The following MTMR8 variants were observed in gnomAD, a reference collection of about 807,000 sequenced individuals.
The protein encoded by MTMR8 is phosphatidylinositol-3,5-bisphosphate 3-phosphatase MTMR8.
MTMR8 carries 65 observed loss-of-function variants against 39.3 expected under a neutral mutation model. The observed-to-expected ratio is 1.65, with a 90% CI of 1.35 to 2.03. The LOEUF (loss-of-function observed/expected upper bound fraction) is 2.03, where lower values mean the gene tolerates loss of function less well. Ranked by LOEUF, MTMR8 falls within the 30% of genes most tolerant of loss-of-function variation. The pLI, the probability that MTMR8 is intolerant of heterozygous loss-of-function variation, is 0.00. For missense variants in MTMR8, 777 were observed against 538.9 expected, an observed-to-expected ratio of 1.44 and a Z score of -4.37; for synonymous variants, 245 against 185.2, an observed-to-expected ratio of 1.32 and a Z score of -2.62.
intron 1 of MTMR8, among the ~76,000 whole-genome samples, chrX:64,365,639 C>G (rs1242119322): frequency 9.0e-6 from 1 of 111,701 alleles, no homozygotes; most frequent in Non-Finnish European, 1.9e-5. Context: ...ACAACCATTA[C>G]CAGCCACTGC....
intron 1 of MTMR8, among the ~76,000 whole-genome samples, chrX:64,378,866 G>A (rs1383521030): frequency 8.9e-6 from 1 of 111,827 alleles, no homozygotes; most frequent in Non-Finnish European, 1.9e-5. Flanking sequence ...TCTTTGAAAA[G>A]ATCAAGAAAT....
intron 12 of MTMR8, among the ~76,000 whole-genome samples, chrX:64,312,479 G>A (rs184126350): frequency 8.9e-6 from 1 of 112,130 alleles, no homozygotes; most frequent in African/African-American, 3.2e-5. Context: ...TCTGGCCAGG[G>A]CAATCAGGCA....
intron 1 of MTMR8, among the ~76,000 whole-genome samples, chrX:64,394,242 G>A (rs986975405): frequency 4.5e-5 from 5 of 111,723 alleles, no homozygotes; most frequent in East Asian, 2.8e-4. Flanking sequence ...GTCTCCCACC[G>A]GGTCCCTCCC....
At chrX:64,358,011 C>T (rs1923671418) in intron 2 of MTMR8, among the ~76,000 whole-genome samples, 2 of 111,465 alleles carry the variant, frequency 1.8e-5, no homozygotes, top group South Asian at 7.5e-4. Context: ...TAAGTGCTCC[C>T]TTCCAGATAC....
chrX:64,389,453 T>C (rs1159484752), intron 1 of MTMR8, among the ~76,000 whole-genome samples: 2 of 112,338 alleles, frequency 1.8e-5, no homozygotes, highest in African/African-American at 6.5e-5. Context: ...CCCAGTGGTT[T>C]CTAGGAGTAA....
chrX:64,285,084 C>T (rs879055879), intron 12 of MTMR8, among the ~76,000 whole-genome samples: 17 of 111,380 alleles, frequency 1.5e-4, no homozygotes, highest in Middle Eastern at 4.6e-3. Flanking sequence ...ACCCATCTCA[C>T]GTGCAGAGAC....
intron 12 of MTMR8, among the ~76,000 whole-genome samples, chrX:64,290,927 A>G (rs1010991591): frequency 1.8e-5 from 2 of 111,960 alleles, no homozygotes; most frequent in African/African-American, 6.5e-5. Context: ...ATTCATGTAG[A>G]GGTTTTCATA....
At chrX:64,270,186 G>A (rs1013189165) in intron 13 of MTMR8, among the ~76,000 whole-genome samples, 1 of 111,524 alleles carries the variant, frequency 9.0e-6, no homozygotes, top group Non-Finnish European at 1.9e-5. Context: ...CCAAGTAACT[G>A]GCTGTTGCCT....
chrX:64,377,628 T>C (rs1285335287), intron 1 of MTMR8, among the ~76,000 whole-genome samples: 1 of 112,608 alleles, frequency 8.9e-6, no homozygotes, highest in Non-Finnish European at 1.9e-5. Flanking sequence ...CTAACTTGTT[T>C]TTTATTTTAC....
At chrX:64,380,952 C>T (rs757261041) in intron 1 of MTMR8, among the ~76,000 whole-genome samples, 2 of 112,232 alleles carry the variant, frequency 1.8e-5, no homozygotes, top group South Asian at 7.4e-4. Context: ...GCGTAGTATT[C>T]CATGGTGTAT....
chrX:64,354,790 T>C lies in MTMR8; in HGVS notation c.455A>G (p.Asn152Ser). 1 of 1,185,285 alleles carries C rather than the reference T, an allele frequency of 8.4e-7. No individual in the cohort carries two copies. Among genetic ancestry groups the C allele is most frequent in the Non-Finnish European group, 1.1e-6 (1 of 884,023 alleles). ...PNRNWTITDANRNYEICSTYP... is the reference protein window; with the variant it reads ...PNRNWTITDASRNYEICSTYP... ...GGACAAAATTACCTCATAGTTTCTG[T>C]TGGCATCTGTTATGGTCCAGTTTCT... Residue 152 changes from asparagine to serine, a missense_variant, in exon 4 of 14, where the codon AAC becomes AGC. Transcript: ENST00000374852.
chrX:64,302,409 T>G (rs1921922698), intron 12 of MTMR8, among the ~76,000 whole-genome samples: 1 of 112,345 alleles, frequency 8.9e-6, no homozygotes. Flanking sequence ...AGGCAATGCC[T>G]CGCCCTGCTT....
chrX:64,375,954 C>T (rs758121908), intron 1 of MTMR8, among the ~76,000 whole-genome samples: 12 of 111,223 alleles, frequency 1.1e-4, no homozygotes, highest in Non-Finnish European at 1.9e-4. Context: ...AGTTCTCACA[C>T]GATCTGGTTG....
chrX:64,343,828 G>T, intron 7 of MTMR8, 108 bp from the exon 8 acceptor site: 1 of 535,749 alleles, frequency 1.9e-6, no homozygotes, highest in Non-Finnish European at 3.1e-6. Context: ...GAGGCAGAAA[G>T]GTTAAATGAT....
chrX:64,326,373 A>G lies in MTMR8; in HGVS notation c.1481+2399T>C, dbSNP rs182157691. Among the ~76,000 whole-genome samples the G allele has an allele frequency of 5.3e-4, 60 of 112,169 alleles. No individual in the cohort carries two copies. In the Admixed American group the frequency reaches 5.5e-3, roughly 10 times the overall value. On this transcript the variant is annotated intron_variant, in intron 12 of 13. Transcript: ENST00000374852. The stretch of plus-strand genomic sequence containing the variant: ...AAATTCAGTAAAGTTGCAAGATACA[A>G]AAATCAGCAGTATTTTTATACATCA...
chrX:64,341,455 G>A (rs1263004978), intron 8 of MTMR8, among the ~76,000 whole-genome samples: 2 of 99,431 alleles, frequency 2.0e-5, no homozygotes, highest in Non-Finnish European at 4.0e-5. Context: ...CTCCAGCCTG[G>A]GCAACAAGAG....
rs1008780109 is a variant in MTMR8, at chrX:64,315,328, G to A, written c.1481+13444C>T. Among the ~76,000 whole-genome samples, 47 of 111,452 alleles carry A rather than the reference G, an allele frequency of 4.2e-4. 1 individual carries two copies. The highest frequency in any genetic ancestry group is 1.4e-3 in the African/African-American group (43 of 30,686). On this transcript the variant is annotated intron_variant, in intron 12 of 13. Coordinates refer to ENST00000374852, the MANE Select transcript of MTMR8 (RefSeq NM_017677.4). ...TCCCAGGCATGGTGGCCCCGTGCAG[G>A]GTCCCCAGCTTCCTCCAACTTCAGC...
At chrX:64,288,451 A>T (rs371198946) in intron 12 of MTMR8, among the ~76,000 whole-genome samples, 4 of 111,848 alleles carry the variant, frequency 3.6e-5, no homozygotes. Context: ...ATTGTGGAAG[A>T]CAGTGTGGCG....
intron 12 of MTMR8, among the ~76,000 whole-genome samples, chrX:64,290,223 CA>C (rs1254827008): frequency 9.1e-6 from 1 of 109,633 alleles, no homozygotes; most frequent in African/African-American, 3.3e-5. Flanking sequence ...TAAAAATGGT[CA>C]AAAAGGTAAA....
Sources: gnomAD v4.1 joint callset for allele counts (sites outside exome capture counted in the v4.1 genomes callset) on GRCh38, gnomAD v4.1.1 for gene constraint, MANE v1.5 for transcripts, NCBI Gene and HGNC (gene_info 2026-07-23, HGNC 2026-07-21) for gene names.